The following RALY variants were observed in gnomAD, a reference collection of about 807,000 sequenced individuals.
RALY encodes the protein RALY heterogeneous nuclear ribonucleoprotein, also known as RNA-binding protein Raly.
Under a neutral mutation model 30.7 loss-of-function variants are expected in RALY, and 15 were observed. That is an observed-to-expected ratio of 0.49 (90% CI 0.33 to 0.75). The LOEUF is 0.75. Ranked by LOEUF, RALY falls within the 30% of genes least tolerant of loss-of-function variation. RALY has a pLI of 0.02. For synonymous variants in RALY, 177 were observed against 170.8 expected (o/e 1.04, Z -0.28); for missense variants, 339 against 414.3 (o/e 0.82, Z 1.58).
intron 1 of RALY, chr20:34,016,508 G>A (rs1033257579): frequency 2.0e-5 from 3 of 152,204 alleles, no homozygotes; most frequent in African/African-American, 7.2e-5. Flanking sequence ...CAGAATCTCT[G>A]GGGTCAGGCA....
chr20:34,020,435 G>A (rs1387248052), intron 1 of RALY, among the ~76,000 whole-genome samples: 1 of 152,192 alleles, frequency 6.6e-6, no homozygotes, highest in African/African-American at 2.4e-5. Flanking sequence ...CAGTGTGATT[G>A]GAGTGCAGTG....
chr20:34,046,559 G>A (rs1384121104), intron 2 of RALY, among the ~76,000 whole-genome samples: 2 of 152,172 alleles, frequency 1.3e-5, no homozygotes, highest in Non-Finnish European at 2.9e-5. Flanking sequence ...CATTTCTTGG[G>A]AGGGTTTCTG....
intron 2 of RALY, among the ~76,000 whole-genome samples, chr20:34,049,641 CGTTT>C (rs1323678419): frequency 2.6e-5 from 4 of 152,106 alleles, no homozygotes; most frequent in African/African-American, 7.2e-5. Flanking sequence ...TAATGATTGG[CGTTT>C]GTTTGGCATT....
intron 8 of RALY, 100 bp from the exon 9 acceptor site, chr20:34,078,405 T>C (rs773804013): frequency 8.6e-5 from 89 of 1,039,834 alleles, no homozygotes; most frequent in Non-Finnish European, 1.1e-4. Flanking sequence ...GTCCTCTAGA[T>C]GCCCTCTGGA....
intron 2 of RALY, among the ~76,000 whole-genome samples, chr20:34,065,748 G>A (rs975078229): frequency 6.6e-6 from 1 of 152,136 alleles, no homozygotes; most frequent in South Asian, 2.1e-4. Flanking sequence ...TGAACCACCC[G>A]GATGTCCCCA....
chr20:34,001,170 G>C (rs1259976489), intron 1 of RALY, among the ~76,000 whole-genome samples: 5 of 152,154 alleles, frequency 3.3e-5, no homozygotes, highest in African/African-American at 1.2e-4. Flanking sequence ...TAAACTTGGA[G>C]CTGTAGCCTC....
At chr20:34,038,230 A>G (rs1486036203) in intron 2 of RALY, among the ~76,000 whole-genome samples, 2 of 152,132 alleles carry the variant, frequency 1.3e-5, no homozygotes, top group African/African-American at 4.8e-5. Flanking sequence ...CAAACAGGAG[A>G]GGGACCTGTA....
chr20:34,072,900 G>A (rs1449438023), intron 3 of RALY, among the ~76,000 whole-genome samples: 2 of 151,728 alleles, frequency 1.3e-5, no homozygotes, highest in African/African-American at 4.8e-5. Flanking sequence ...GTGGAGATAT[G>A]TGGACACAAC....
chr20:34,020,535 G>A (rs2031779609), intron 1 of RALY, among the ~76,000 whole-genome samples: 1 of 152,156 alleles, frequency 6.6e-6, no homozygotes. Flanking sequence ...ACAGGACTGT[G>A]GTAGGAATAA....
chr20:34,070,832 C>G lies in RALY; in HGVS notation c.-9-1234C>G, dbSNP rs6059654. On this transcript the variant is annotated intron_variant, in intron 2 of 9. Coordinates refer to ENST00000246194, the MANE Select transcript of RALY (RefSeq NM_016732.3). ...GGCTTTGTGTTAGTCCATTCTTGCA[C>G]TGTTATAAAGAAATACCTGAGACTG... 6.4e-3 allele frequency among the ~76,000 whole-genome samples: 979 copies of G among 152,236 alleles called. 11 individuals are homozygous for G. Among genetic ancestry groups the G allele is most frequent in the African/African-American group, 0.022 (925 of 41,536 alleles).
Position 34,076,029 on chromosome 20 carries a change from C to G in RALY, c.533C>G (p.Ala178Gly). The G allele has an allele frequency of 6.2e-7, 1 of 1,613,914 alleles. No homozygotes were observed. Among genetic ancestry groups the G allele is most frequent in the Non-Finnish European group, 8.5e-7 (1 of 1,179,802 alleles). ...ARSTAVTTSSAKIKLKSSELQ... is the reference protein window; with the variant it reads ...ARSTAVTTSSGKIKLKSSELQ... ...TCCACAGCTGTCACCACCAGCTCAG[C>G]CAAGATCAAGTGTGAGTGACTGTAT... Residue 178 changes from alanine to glycine, a missense_variant, in exon 6 of 10, where the codon GCC becomes GGC. Transcript: ENST00000246194.
At chr20:34,001,797 C>T (rs138444182) in intron 1 of RALY, among the ~76,000 whole-genome samples, 12,661 of 152,028 alleles carry the variant, frequency 0.083, 1,746 homozygotes, top group African/African-American at 0.29. Flanking sequence ...GACGGAGTCT[C>T]GCTCTGTTGC....
chr20:34,064,174 C>T (rs552399110), intron 2 of RALY, among the ~76,000 whole-genome samples: 7 of 152,140 alleles, frequency 4.6e-5, no homozygotes, highest in South Asian at 2.1e-4. Context: ...AACTCAGTAT[C>T]GGGGATTATA....
chr20:34,015,430 A>G (rs1312751169), intron 1 of RALY, among the ~76,000 whole-genome samples: 1 of 151,712 alleles, frequency 6.6e-6, no homozygotes, highest in African/African-American at 2.4e-5. Flanking sequence ...TCTTTTTTGC[A>G]CTTTTCCTAG....
At chr20:34,051,522 C>G (rs2033076695) in intron 2 of RALY, among the ~76,000 whole-genome samples, 1 of 152,148 alleles carries the variant, frequency 6.6e-6, no homozygotes, top group African/African-American at 2.4e-5. Flanking sequence ...GTGTTAGGAG[C>G]TTAGTAACTG....
intron 2 of RALY, among the ~76,000 whole-genome samples, chr20:34,031,923 C>T (rs1396366803): frequency 2.0e-5 from 3 of 152,134 alleles, no homozygotes; most frequent in African/African-American, 4.8e-5. Context: ...GGCGGCTATA[C>T]CTGTCCTCTC....
rs773790737 is a variant in RALY at position 34,072,124 on chromosome 20, A to G, written c.50A>G (p.Lys17Arg). Residue 17 changes from lysine to arginine, a missense_variant, in exon 3 of 10, where the codon AAG becomes AGG. Transcript: ENST00000246194. The part of the protein sequence containing the change: ...ASNVTNKNDP[K>R]SINSRVFIGN... ...AATGTAACCAACAAGAATGACCCCA[A>G]GTCCATCAACTCTCGAGTCTTCATT... is the stretch of plus-strand genomic sequence containing the variant. The G allele has an allele frequency of 1.2e-6, 2 of 1,614,244 alleles. No individual in the cohort carries two copies. Among genetic ancestry groups the G allele is most frequent in the South Asian group, 1.1e-5 (1 of 91,082 alleles).
chr20:33,995,904 T>C, intron 1 of RALY, among the ~76,000 whole-genome samples: 1 of 152,214 alleles, frequency 6.6e-6, no homozygotes, highest in East Asian at 1.9e-4. Flanking sequence ...AAACCACTTA[T>C]TCAGGTCTTA....
intron 2 of RALY, among the ~76,000 whole-genome samples, chr20:34,056,956 AT>A (rs1317369420): frequency 6.6e-6 from 1 of 152,242 alleles, no homozygotes; most frequent in Non-Finnish European, 1.5e-5. Context: ...AGTTTATACA[AT>A]AAGCTTTCCC....
Sources: allele counts gnomAD v4.1 joint callset (sites outside exome capture counted in the v4.1 genomes callset), GRCh38; gene constraint gnomAD v4.1.1; transcripts MANE v1.5; gene names NCBI Gene and HGNC (gene_info 2026-07-23, HGNC 2026-07-21).